The following PKDREJ variants were observed in gnomAD, a reference collection of about 807,000 sequenced individuals.
The protein encoded by PKDREJ is polycystin family receptor for egg jelly, also known as PKD and REJ homolog.
For missense variants in PKDREJ, 2,507 were observed against 2,807.2 expected (o/e 0.89, Z 2.42); for synonymous variants, 1,031 against 1,095.5 (o/e 0.94, Z 1.16).
At position 46,256,782 on chromosome 22, in the gene PKDREJ, G is replaced by C. The variant is rs909390169; in HGVS notation, c.6541C>G (p.Pro2181Ala). 4 of 1,613,880 alleles carry C rather than the reference G, an allele frequency of 2.5e-6. No individual in the cohort carries two copies. The African/African-American group carries it at 5.3e-5, about 22-fold the overall frequency. The change falls in exon 1 of 1, where the codon CCC becomes GCC. Residue 2181 changes from proline to alanine, a missense_variant. Transcript: ENST00000253255. The surrounding 1 kb of genome is among the most constrained non-coding windows in gnomAD (Gnocchi z 5.3). Reference protein sequence around the residue: ...ILSAYEEMKQPVYEEPSDEVE... With the variant: ...ILSAYEEMKQAVYEEPSDEVE... ...TCATCCGATGGCTCCTCATACACGG[G>C]CTGCTTCATTTCCTCATATGCAGAC...
In PKDREJ at chr22:46,259,025, C is replaced by T. The variant is rs749350251; in HGVS notation, c.4298G>A (p.Ser1433Asn). Reference protein sequence around the residue: ...YMRSMMIGIESVLITIPVQLL... With the variant: ...YMRSMMIGIENVLITIPVQLL... ...TTGCACAGGGATTGTAATTAAGACA[C>T]TTTCAATTCCTATCATCATTGATCT... Residue 1433 changes from serine (S) to asparagine (N), a missense_variant, in exon 1 of 1, where the codon AGT becomes AAT. Coordinates refer to ENST00000253255, the MANE Select transcript of PKDREJ (RefSeq NM_006071.2). This position sits in a 1 kb window ranked among gnomAD's most constrained non-coding sequence, Gnocchi z 6.8. 1.2e-5 allele frequency: 20 copies of T among 1,613,966 alleles called. No individual in the cohort carries two copies. Among genetic ancestry groups the T allele is most frequent in the Non-Finnish European group, 1.7e-5 (20 of 1,179,946 alleles).
At position 46,259,882 on chromosome 22, in the gene PKDREJ, G is replaced by C. The variant is rs36125344; in HGVS notation, c.3441C>G (p.Ile1147Met). Residue 1147 changes from isoleucine (I) to methionine (M), a missense_variant, in exon 1 of 1, where the codon ATC becomes ATG. Physicochemically the swap from Ile to Met is conservative, Grantham distance 10. Transcript: ENST00000253255. The surrounding 1 kb of genome is among the most constrained non-coding windows in gnomAD (Gnocchi z 6.8). ...TATGCAGGTGAATGCCCGTGAGTCC[G>C]ATTGTGCCCAGCTGCCGCCTAGCCC... ...VVRARRQLGT[I>M]GLTGIHLHTH... 151,792 of 1,613,272 alleles carry C rather than the reference G, an allele frequency of 0.094. 7,651 individuals carry two copies. The highest frequency in any genetic ancestry group is 0.1 in the Non-Finnish European group (122,472 of 1,179,900).
In PKDREJ at chr22:46,259,275, C is replaced by T. The variant is rs752384425; in HGVS notation, c.4048G>A (p.Glu1350Lys). The change falls in exon 1 of 1, where the codon GAG (glutamate) becomes AAG (lysine). Residue 1350 changes from glutamate to lysine, a missense_variant. By Grantham distance (56) the Glu-to-Lys change is moderately conservative. Transcript: ENST00000253255. The surrounding 1 kb of genome is among the most constrained non-coding windows in gnomAD (Gnocchi z 6.8). Reference protein sequence around the residue: ...DRTFHVTHPDERLTRKDFFFI... With the variant: ...DRTFHVTHPDKRLTRKDFFFI... ...AAAAAGTCTTTTCTAGTCAGACGCT[C>T]ATCTGGATGGGTAACGTGAAATGTT... The T allele has an allele frequency of 5.6e-6, 9 of 1,614,054 alleles. No homozygotes were observed. The highest frequency in any genetic ancestry group is 7.6e-6 in the Non-Finnish European group (9 of 1,180,048).
rs1238858899 is a variant in PKDREJ, at chr22:46,263,071, G to A, written c.252C>T (p.Thr84=). The A allele has an allele frequency of 2.2e-6, 3 of 1,334,084 alleles. No individual in the cohort carries two copies. Among genetic ancestry groups the A allele is most frequent in the Non-Finnish European group, 1.9e-6 (2 of 1,031,440 alleles). The allele number at this position is 1,334,084 out of a possible 1,614,324, so 82.6% of individuals were successfully genotyped here. A position where few individuals can be genotyped will look rare whatever the true frequency, so the allele number is the denominator to read the frequency against. Residue 84 remains threonine (T), a synonymous_variant, in exon 1 of 1, where the codon ACC becomes ACT. Coordinates refer to ENST00000253255, the MANE Select transcript of PKDREJ (RefSeq NM_006071.2). This position sits in a 1 kb window ranked among gnomAD's most constrained non-coding sequence, Gnocchi z 9.4. ...AGTCGAGGCAGTACCAGCGCCGCCCGGTCCCGCCATGGGGGAAGCAGAGGC... is the reference window on the plus strand; with the variant it reads ...AGTCGAGGCAGTACCAGCGCCGCCCAGTCCCGCCATGGGGGAAGCAGAGGC... ...RGSLCFPHGG[T]GRRWYCLDLR...
Position 46,261,161 on chromosome 22 carries a change from T to C in PKDREJ, c.2162A>G (p.Lys721Arg), listed in dbSNP as rs775952875. Residue 721 changes from lysine (K) to arginine (R), a missense_variant, in exon 1 of 1, where the codon AAA becomes AGA. By Grantham distance (26) the Lys-to-Arg change is conservative. Transcript: ENST00000253255. This position sits in a 1 kb window ranked among gnomAD's most constrained non-coding sequence, Gnocchi z 7.1. The stretch of plus-strand genomic sequence containing the variant: ...GTCATCTCGGAGAGGTAATTCAGTT[T>C]TCATGTTATTCAAAACGGAAGCTAC... The part of the protein sequence containing the change: ...YIVASVLNNM[K>R]TELPLRDDRV... 2.5e-6 allele frequency: 4 copies of C among 1,614,076 alleles called. No individual in the cohort carries two copies. In the African/African-American group the frequency reaches 5.3e-5, roughly 22 times the overall value.
rs1482755764 is a variant in PKDREJ, at chr22:46,255,926, C to T, written c.*635G>A. ...CTTTTTGTTGTTTAACAAAACATGT[C>T]TCTTGGTCAGAAAATGTTACTGAAT... On this transcript the variant is annotated 3_prime_UTR_variant, in exon 1 of 1. Transcript: ENST00000253255. 4 of 152,486 alleles carry T rather than the reference C, an allele frequency of 2.6e-5. No homozygotes were observed. In the East Asian group the frequency reaches 7.7e-4, roughly 29 times the overall value. The allele number at this position is 152,486 out of a possible 1,614,324, so 9.4% of individuals were successfully genotyped here.
rs753231868 is a variant in PKDREJ, at chr22:46,257,161, CA to C, written c.6161del (p.Leu2054TrpfsTer7). The C allele has an allele frequency of 6.2e-7, 1 of 1,613,856 alleles. No homozygotes were observed. Among genetic ancestry groups the C allele is most frequent in the Non-Finnish European group, 8.5e-7 (1 of 1,180,006 alleles). ...SQVDHIMRII[L>X]GFLLFLTILK... ...AAATTGTCAGAAATAACAGGAAACC[CA>C]AAATTATCCTCATAATGTGATCTAC... On this transcript the variant is annotated frameshift_variant, in exon 1 of 1. Transcript: ENST00000253255. LOFTEE classifies it low-confidence loss of function (END_TRUNC). This position sits in a 1 kb window ranked among gnomAD's most constrained non-coding sequence, Gnocchi z 4.7.
Position 46,263,029 on chromosome 22 carries a change from G to A in PKDREJ, c.294C>T (p.Ser98=), listed in dbSNP as rs142494214. ...WYCLDLRVLL[S]AQRLPWPAAP... ...CGGCCGGCCAGGGCAGGCGTTGGGC[G>A]CTGAGCAGGACGCGCAAGTCGAGGC... Residue 98 remains serine (S), a synonymous_variant, in exon 1 of 1, where the codon AGC becomes AGT. Transcript: ENST00000253255. This position sits in a 1 kb window ranked among gnomAD's most constrained non-coding sequence, Gnocchi z 9.4. The A allele has an allele frequency of 9.9e-3, 12,977 of 1,314,264 alleles. 98 individuals carry two copies. Among genetic ancestry groups the A allele is most frequent in the Middle Eastern group, 0.021 (72 of 3,384 alleles). The allele number at this position is 1,314,264 out of a possible 1,614,324, so 81.4% of individuals were successfully genotyped here.
rs1936666776 is a variant in PKDREJ, at chr22:46,259,150, G to C, written c.4173C>G (p.Ser1391=). The change falls in exon 1 of 1, where the codon TCC becomes TCG. Residue 1391 remains serine (S), a synonymous_variant. Coordinates refer to ENST00000253255, the MANE Select transcript of PKDREJ (RefSeq NM_006071.2). The surrounding 1 kb of genome is among the most constrained non-coding windows in gnomAD (Gnocchi z 6.8). ...AKTFNRLQRL[S]CCLAMLLSSL... ...AGCTAAGCAACATTGCTAAACAACA[G>C]GACAATCTCTGGAGCCTATTGAATG... The C allele has an allele frequency of 6.2e-7, 1 of 1,613,886 alleles. No individual in the cohort carries two copies. The highest frequency in any genetic ancestry group is 1.1e-5 in the South Asian group (1 of 91,064).
Position 46,263,135 on chromosome 22 carries a change from G to A in PKDREJ, c.188C>T (p.Ala63Val). The change falls in exon 1 of 1, where the codon GCG becomes GTG. Residue 63 changes from alanine (A) to valine (V), a missense_variant. Transcript: ENST00000253255. The surrounding 1 kb of genome is among the most constrained non-coding windows in gnomAD (Gnocchi z 9.4). The stretch of plus-strand genomic sequence containing the variant: ...CAGGACAGCGCCGCCCGCCCGCACC[G>A]CGCTGGGCCGCAGACTGAGGAGGGC... ...GRALLSLRPSAVRAGGAVLSG... is the reference protein window; with the variant it reads ...GRALLSLRPSVVRAGGAVLSG... 2 of 1,234,810 alleles carry A rather than the reference G, an allele frequency of 1.6e-6. No homozygotes were observed. Among genetic ancestry groups the A allele is most frequent in the South Asian group, 2.7e-5 (1 of 36,676 alleles). The allele number at this position is 1,234,810 out of a possible 1,614,324, so 76.5% of individuals were successfully genotyped here.
chr22:46,262,398 C>T lies in PKDREJ; in HGVS notation c.925G>A (p.Val309Met). The part of the protein sequence containing the change: ...QWGVYVFNFT[V>M]SITTGNPKMP... The stretch of plus-strand genomic sequence containing the variant: ...TTGGGGTTCCCTGTGGTGATGGACA[C>T]CGTGAAATTAAACACATACACTCCC... The change falls in exon 1 of 1, where the codon GTG (valine) becomes ATG (methionine). Residue 309 changes from valine to methionine, a missense_variant. Transcript: ENST00000253255. This position sits in a 1 kb window ranked among gnomAD's most constrained non-coding sequence, Gnocchi z 8.1. 1 of 1,613,916 alleles carries T rather than the reference C, an allele frequency of 6.2e-7. No individual in the cohort carries two copies.
rs1453919147 is a variant in PKDREJ at position 46,259,094 on chromosome 22, A to G, written c.4229T>C (p.Leu1410Pro). ...SLLCNIMFFNLNRQEQTESRE... is the reference protein window; with the variant it reads ...SLLCNIMFFNPNRQEQTESRE... ...TGACTCAGTTTGTTCTTGTCTATTT[A>G]GATTAAAGAACATAATGTTACAAAG... The change falls in exon 1 of 1, where the codon CTA (leucine) becomes CCA (proline). Residue 1410 changes from leucine to proline, a missense_variant. By Grantham distance (98) the Leu-to-Pro change is moderately conservative. Transcript: ENST00000253255. The surrounding 1 kb of genome is among the most constrained non-coding windows in gnomAD (Gnocchi z 6.8). The G allele has an allele frequency of 5.6e-6, 9 of 1,613,628 alleles. No homozygotes were observed. Among genetic ancestry groups the G allele is most frequent in the Non-Finnish European group, 7.6e-6 (9 of 1,179,678 alleles).
Position 46,263,056 on chromosome 22 carries a change from G to A in PKDREJ, c.267C>T (p.Tyr89=). Residue 89 remains tyrosine (Y), a synonymous_variant, in exon 1 of 1, where the codon TAC becomes TAT. Coordinates refer to ENST00000253255, the MANE Select transcript of PKDREJ (RefSeq NM_006071.2). This position sits in a 1 kb window ranked among gnomAD's most constrained non-coding sequence, Gnocchi z 9.4. ...TGAGCAGGACGCGCAAGTCGAGGCA[G>A]TACCAGCGCCGCCCGGTCCCGCCAT... is the stretch of plus-strand genomic sequence containing the variant. ...FPHGGTGRRW[Y]CLDLRVLLSA... 1.5e-6 allele frequency: 2 copies of A among 1,336,808 alleles called. No individual in the cohort carries two copies. Among genetic ancestry groups the A allele is most frequent in the South Asian group, 1.5e-5 (1 of 67,586 alleles). 82.8% of individuals were successfully genotyped at this position (1,336,808 alleles called of 1,614,324 possible).
rs6007748 is a variant in PKDREJ, at chr22:46,261,901, A to G, written c.1422T>C (p.Asp474=). Residue 474 remains aspartate (D), a synonymous_variant, in exon 1 of 1, where the codon GAT becomes GAC. Transcript: ENST00000253255. The surrounding 1 kb of genome is among the most constrained non-coding windows in gnomAD (Gnocchi z 7.1). ...TGCAATTTAGGAACAAAGAAAATCT[A>G]TCAGAGACAATGAAGTTTCTCTCAC... is the stretch of plus-strand genomic sequence containing the variant. ...ENCERNFIVS[D]RFSLFLNCTN... The G allele has an allele frequency of 0.16, 256,248 of 1,613,850 alleles. 28,381 individuals carry two copies. Among genetic ancestry groups the G allele is most frequent in the African/African-American group, 0.58 (43,271 of 74,976 alleles).
At position 46,259,560 on chromosome 22, in the gene PKDREJ, T is replaced by G; in HGVS notation, c.3763A>C (p.Arg1255=). ...ACGTCGCTGGTACTCACAGTTCCTC[T>G]AAGTTGCACAAAGACATTGGCCCTG... ...GTRANVFVQL[R]GTVSTSDVHC... Residue 1255 remains arginine, a synonymous_variant, in exon 1 of 1, where the codon AGA becomes CGA. Transcript: ENST00000253255. This position sits in a 1 kb window ranked among gnomAD's most constrained non-coding sequence, Gnocchi z 6.8. 1 of 1,614,154 alleles carries G rather than the reference T, an allele frequency of 6.2e-7. No homozygotes were observed. Among genetic ancestry groups the G allele is most frequent in the Non-Finnish European group, 8.5e-7 (1 of 1,180,022 alleles).
chr22:46,257,327 T>G lies in PKDREJ; in HGVS notation c.5996A>C (p.Asn1999Thr). 6.2e-7 allele frequency: 1 copy of G among 1,614,026 alleles called. No homozygotes were observed. ...ERASYVRSVYNLLNFALKCIF... is the reference protein window; with the variant it reads ...ERASYVRSVYTLLNFALKCIF... The stretch of plus-strand genomic sequence containing the variant: ...GCACTTTAAAGCAAAGTTGAGCAAA[T>G]TATACACACTTCTCACATAGGAGGC... The change falls in exon 1 of 1, where the codon AAT (asparagine) becomes ACT (threonine). Residue 1999 changes from asparagine (N) to threonine (T), a missense_variant. Physicochemically the swap from Asn to Thr is moderately conservative, Grantham distance 65 (BLOSUM62 0). Coordinates refer to ENST00000253255, the MANE Select transcript of PKDREJ (RefSeq NM_006071.2). This position sits in a 1 kb window ranked among gnomAD's most constrained non-coding sequence, Gnocchi z 4.7.
In PKDREJ at chr22:46,258,797, G is replaced by A. The variant is rs561125477; in HGVS notation, c.4526C>T (p.Pro1509Leu). The change falls in exon 1 of 1, where the codon CCA becomes CTA. Residue 1509 changes from proline (P) to leucine (L), a missense_variant. Coordinates refer to ENST00000253255, the MANE Select transcript of PKDREJ (RefSeq NM_006071.2). This position sits in a 1 kb window ranked among gnomAD's most constrained non-coding sequence, Gnocchi z 6.1. ...KPASKGKPRL[P>L]KASPKATSKP... Reference sequence around the variant, plus strand: ...GGAGGTTGCCTTAGGAGAAGCCTTTGGAAGCCTGGGCTTTCCTTTAGATGC... The same window carrying A: ...GGAGGTTGCCTTAGGAGAAGCCTTTAGAAGCCTGGGCTTTCCTTTAGATGC... 1.9e-6 allele frequency: 3 copies of A among 1,614,166 alleles called. No homozygotes were observed. The highest frequency in any genetic ancestry group is 2.5e-6 in the Non-Finnish European group (3 of 1,180,032).
In PKDREJ at chr22:46,256,991, A is replaced by G. The variant is rs779313592; in HGVS notation, c.6332T>C (p.Phe2111Ser). The change falls in exon 1 of 1, where the codon TTT becomes TCT. Residue 2111 changes from phenylalanine to serine, a missense_variant. Phe to Ser is a radical substitution (Grantham distance 155). Transcript: ENST00000253255. The surrounding 1 kb of genome is among the most constrained non-coding windows in gnomAD (Gnocchi z 5.3). The stretch of plus-strand genomic sequence containing the variant: ...ACTGTAGTTCCATTCATGCTGACCA[A>G]ACACCAGGTAACCAAAAGCCATGTA... ...FVYMAFGYLVFGQHEWNYSNL... is the reference protein window; with the variant it reads ...FVYMAFGYLVSGQHEWNYSNL... The G allele has an allele frequency of 1.9e-6, 3 of 1,613,908 alleles. No homozygotes were observed. The highest frequency in any genetic ancestry group is 1.7e-6 in the Non-Finnish European group (2 of 1,180,026).
chr22:46,260,153 C>A lies in PKDREJ; in HGVS notation c.3170G>T (p.Cys1057Phe). The A allele has an allele frequency of 6.2e-7, 1 of 1,613,978 alleles. No individual in the cohort carries two copies. The highest frequency in any genetic ancestry group is 8.5e-7 in the Non-Finnish European group (1 of 1,179,946). ...GAGTTGCAGCAGGGACACAGGGAGG[C>A]AGACTACACGGGCCTTCTTCACTGT... ...ACTVKKARVV[C>F]LPVSLLQLIA... The change falls in exon 1 of 1, where the codon TGC (cysteine) becomes TTC (phenylalanine). Residue 1057 changes from cysteine (C) to phenylalanine (F), a missense_variant. Physicochemically the swap from Cys to Phe is radical, Grantham distance 205. Transcript: ENST00000253255. This position sits in a 1 kb window ranked among gnomAD's most constrained non-coding sequence, Gnocchi z 4.5.
Sources: allele counts gnomAD v4.1 joint callset, GRCh38; gene constraint gnomAD v4.1.1; non-coding constraint Gnocchi (gnomAD v3.1); transcripts MANE v1.5; gene names NCBI Gene and HGNC (gene_info 2026-07-23, HGNC 2026-07-21).